KANSL1: variants seen among roughly 807,000 people sequenced by gnomAD.
KANSL1 encodes KAT8 regulatory NSL complex subunit 1.
In KANSL1, 22 loss-of-function variants were observed where a neutral mutation model predicts 103.6. The ratio of observed to expected loss-of-function variants is 0.21; its 90% CI spans 0.15 to 0.30. The LOEUF (loss-of-function observed/expected upper bound fraction) is 0.30, where lower values mean the gene tolerates loss of function less well. Ranked by LOEUF, KANSL1 falls within the 10% of genes least tolerant of loss-of-function variation. The pLI is 1.00. For missense variants in KANSL1, 1,337 were observed against 1,399.8 expected, an observed-to-expected ratio of 0.96 and a Z score of 0.72; for synonymous variants, 600 against 527.6, an observed-to-expected ratio of 1.14 and a Z score of -1.88.
chr17:46,167,779 T>C (rs996514053), intron 2 of KANSL1, among the ~76,000 whole-genome samples: 6 of 152,210 alleles, frequency 3.9e-5, no homozygotes, highest in South Asian at 2.1e-4. Flanking sequence ...TTCAACAACA[T>C]AGAAAAATTA....
At chr17:46,053,457 T>C (rs2077799268) in intron 6 of KANSL1, among the ~76,000 whole-genome samples, 1 of 20,518 alleles carries the variant, frequency 4.9e-5, no homozygotes, top group African/African-American at 1.7e-4. Flanking sequence ...TAATACTTAT[T>C]TTTTTTTTGA....
intron 4 of KANSL1, among the ~76,000 whole-genome samples, chr17:46,078,524 T>TG (rs1568422908): frequency 6.6e-6 from 1 of 152,052 alleles, no homozygotes; most frequent in Admixed American, 6.6e-5. Flanking sequence ...AATTTCTACC[T>TG]ACTTGGCAGC....
upstream of KANSL1, chr17:46,196,440 A>G: frequency 4.4e-6 from 2 of 456,246 alleles, no homozygotes; most frequent in Non-Finnish European, 4.4e-6. Flanking sequence ...AGGTTCTTCA[A>G]TCCTAAAAAT....
chr17:46,090,443 T>C (rs1489112570), intron 3 of KANSL1, among the ~76,000 whole-genome samples: 1 of 152,366 alleles, frequency 6.6e-6, no homozygotes, highest in East Asian at 1.9e-4. Context: ...CTTGATGCAT[T>C]ACTTATTGGA....
At chr17:46,048,831 T>C (rs1412076770) in intron 7 of KANSL1, among the ~76,000 whole-genome samples, 1 of 152,230 alleles carries the variant, frequency 6.6e-6, no homozygotes, top group African/African-American at 2.4e-5. Flanking sequence ...TTTAAAAACA[T>C]TTTTATCAAA....
chr17:46,194,796 T>G (rs552139782), upstream of KANSL1, among the ~76,000 whole-genome samples: 6 of 152,250 alleles, frequency 3.9e-5, no homozygotes, highest in Non-Finnish European at 7.3e-5. Flanking sequence ...TCACTTCTGC[T>G]TATCAAAAAA....
At chr17:46,146,392 C>A (rs1191521019) in intron 2 of KANSL1, among the ~76,000 whole-genome samples, 1 of 152,178 alleles carries the variant, frequency 6.6e-6, no homozygotes, top group Non-Finnish European at 1.5e-5. Context: ...ACTGACTGGC[C>A]AAGCTGGTAC....
intron 2 of KANSL1, among the ~76,000 whole-genome samples, chr17:46,095,958 G>A (rs1431561954): frequency 6.6e-6 from 1 of 152,178 alleles, no homozygotes; most frequent in Non-Finnish European, 1.5e-5. Context: ...TTAAGATGCT[G>A]TTTGAAATCT....
intron 1 of KANSL1, chr17:46,222,430 C>CGAAA (rs1487564226): frequency 2.0e-5 from 3 of 150,426 alleles, no homozygotes; most frequent in African/African-American, 4.9e-5. Flanking sequence ...CTTGCTAAGT[C>CGAAA]GAAACACTCT....
chr17:46,215,642 T>A (rs191560307), intron 1 of KANSL1, among the ~76,000 whole-genome samples: 1 of 152,330 alleles, frequency 6.6e-6, no homozygotes, highest in East Asian at 1.9e-4. Context: ...CCCAGAGGCC[T>A]CTCAAATCCC....
In KANSL1 at chr17:46,100,309, C is replaced by T. The variant is rs563790858; in HGVS notation, c.1290-5608G>A. ...AAAATTATCCAGACGTAGTCGCGCA[C>T]GCCTGTAATCCCAGCTACATAGGAG... On this transcript the variant is annotated intron_variant, in intron 2 of 14. Transcript: ENST00000432791. Among the ~76,000 whole-genome samples the T allele has an allele frequency of 7.9e-5, 12 of 152,170 alleles. No individual in the cohort carries two copies. The South Asian group carries it at 1.0e-3, about 13-fold the overall frequency.
chr17:46,040,648 T>C (rs1357159398), intron 7 of KANSL1: 2 of 152,220 alleles, frequency 1.3e-5, no homozygotes, highest in Non-Finnish European at 2.9e-5. Flanking sequence ...CTTTCTTACT[T>C]GTAGGTGGTC....
At chr17:46,152,403 G>C (rs188775787) in intron 2 of KANSL1, among the ~76,000 whole-genome samples, 22 of 152,262 alleles carry the variant, frequency 1.4e-4, no homozygotes, top group African/African-American at 5.3e-4. Context: ...GAAAACAACA[G>C]AATACTTTTT....
intron 1 of KANSL1, chr17:46,215,022 C>T (rs2048296835): frequency 6.6e-6 from 1 of 152,292 alleles, no homozygotes; most frequent in Non-Finnish European, 1.5e-5. Context: ...AGAGGAAGCA[C>T]TCAGTGTCAG....
At chr17:46,163,029 C>A (rs1390987545) in intron 2 of KANSL1, among the ~76,000 whole-genome samples, 1 of 152,220 alleles carries the variant, frequency 6.6e-6, no homozygotes, top group Non-Finnish European at 1.5e-5. Context: ...CCATCACATC[C>A]CCATCACATG....
At chr17:46,114,593 G>T (rs1379706393) in intron 2 of KANSL1, among the ~76,000 whole-genome samples, 1 of 152,134 alleles carries the variant, frequency 6.6e-6, no homozygotes, top group Non-Finnish European at 1.5e-5. Flanking sequence ...CCACATGTCA[G>T]TATTTTATTA....
chr17:46,224,960 C>T (rs2148082612), upstream of KANSL1: 1 of 151,692 alleles, frequency 6.6e-6, no homozygotes, highest in East Asian at 1.9e-4. Flanking sequence ...TTCCTCTCCG[C>T]GTCGGTCCGT....
upstream of KANSL1, among the ~76,000 whole-genome samples, chr17:46,197,259 C>A (rs1401219962): frequency 6.6e-6 from 1 of 152,268 alleles, no homozygotes; most frequent in Non-Finnish European, 1.5e-5. Context: ...TACCACCATT[C>A]CTTGTTAATT....
In KANSL1 at chr17:46,172,120, G is replaced by T; in HGVS notation, c.24C>A (p.Leu8=). The change falls in exon 2 of 15, where the codon CTC becomes CTA. Residue 8 remains leucine, a synonymous_variant. Coordinates refer to ENST00000432791, the MANE Select transcript of KANSL1 (RefSeq NM_015443.4). The stretch of plus-strand genomic sequence containing the variant: ...GGTGTGCTTCAGCTGCTGCGTCAGT[G>T]AGAGCGGGCGCCATCGCAGCCATTC... MAAMAPA[L]TDAAAEAHHI... 2 of 1,607,730 alleles carry T rather than the reference G, an allele frequency of 1.2e-6. No homozygotes were observed. Among genetic ancestry groups the T allele is most frequent in the Non-Finnish European group, 1.7e-6 (2 of 1,180,018 alleles).
Sources: allele counts gnomAD v4.1 joint callset (sites outside exome capture counted in the v4.1 genomes callset), GRCh38; gene constraint gnomAD v4.1.1; transcripts MANE v1.5; gene names NCBI Gene and HGNC (gene_info 2026-07-23, HGNC 2026-07-21).